Variants in HS6ST3 observed in about 807,000 individuals in gnomAD.
HS6ST3 encodes the protein heparan sulfate 6-O-sulfotransferase 3, also known as heparan-sulfate 6-O-sulfotransferase 3.
Under a neutral mutation model 36.7 loss-of-function variants are expected in HS6ST3, and 12 were observed. That is an observed-to-expected ratio of 0.33 (90% CI 0.21 to 0.53). HS6ST3 has a LOEUF of 0.53. HS6ST3 is among the 20% of genes least tolerant of loss of function. The probability of loss-of-function intolerance (pLI) is 0.95; values close to 1 mark genes in which losing one functional copy is unlikely to be tolerated. For synonymous variants in HS6ST3, 240 were observed against 257.5 expected (o/e 0.93, Z 0.65); for missense variants, 584 against 640.9 (o/e 0.91, Z 0.96).
At chr13:96,793,460 A>G (rs1877838364) in intron 1 of HS6ST3, among the ~76,000 whole-genome samples, 1 of 152,072 alleles carries the variant, frequency 6.6e-6, no homozygotes, top group Non-Finnish European at 1.5e-5. Flanking sequence ...TATTAAATTG[A>G]TAAATGTGAT....
rs1878850629 is a variant in HS6ST3, at chr13:96,833,249, C to A, written c.*51C>A. ...GGGGGAGGGTGAGCAGGCACATTGA[C>A]TTTCTGTTGAGGTACCTTGGAGAAG... On this transcript the variant is annotated 3_prime_UTR_variant, in exon 2 of 2. Transcript: ENST00000376705. The A allele has an allele frequency of 1.4e-6, 2 of 1,403,078 alleles. No homozygotes were observed. Among genetic ancestry groups the A allele is most frequent in the Admixed American group, 5.5e-5 (2 of 36,244 alleles). 86.9% of individuals were successfully genotyped at this position (1,403,078 alleles called of 1,614,324 possible). A position where few individuals can be genotyped will look rare whatever the true frequency, so the allele number is the denominator to read the frequency against.
chr13:96,634,131 C>T (rs1417668140), intron 1 of HS6ST3, among the ~76,000 whole-genome samples: 1 of 152,206 alleles, frequency 6.6e-6, no homozygotes, highest in Non-Finnish European at 1.5e-5. Flanking sequence ...TGAGCTGGGA[C>T]TTCCACCTGC....
chr13:96,700,063 A>G (rs924959794), intron 1 of HS6ST3, among the ~76,000 whole-genome samples: 2 of 152,132 alleles, frequency 1.3e-5, no homozygotes, highest in African/African-American at 4.8e-5. Context: ...GGACCCCTAA[A>G]CTATTTTTCA....
chr13:96,118,678 ATATATATATATTTTTT>A (rs2053908820), intron 1 of HS6ST3, among the ~76,000 whole-genome samples: 1 of 21,924 alleles, frequency 4.6e-5, no homozygotes, highest in Non-Finnish European at 7.3e-5. Context: ...ATATATATAT[ATATATATATATTTTTT>A]TTTTTTTTTT....
intron 1 of HS6ST3, among the ~76,000 whole-genome samples, chr13:96,545,186 G>T (rs1389278526): frequency 6.6e-6 from 1 of 152,022 alleles, no homozygotes; most frequent in Non-Finnish European, 1.5e-5. Context: ...TTTATCTTTT[G>T]AGTCAGTGTT....
At chr13:96,157,008 G>A (rs747727688) in intron 1 of HS6ST3, among the ~76,000 whole-genome samples, 3 of 152,176 alleles carry the variant, frequency 2.0e-5, no homozygotes, top group Non-Finnish European at 2.9e-5. Flanking sequence ...GCAGGGGCTA[G>A]CATTTGTTGT....
At chr13:96,617,198 T>A (rs1004148906) in intron 1 of HS6ST3, among the ~76,000 whole-genome samples, 2 of 152,228 alleles carry the variant, frequency 1.3e-5, no homozygotes, top group Non-Finnish European at 2.9e-5. Flanking sequence ...ATGTAAGTAT[T>A]GTAAAATACA....
chr13:96,250,903 C>T (rs780004595), intron 1 of HS6ST3, among the ~76,000 whole-genome samples: 9 of 152,168 alleles, frequency 5.9e-5, no homozygotes, highest in Non-Finnish European at 1.2e-4. Context: ...TATTTGTAGA[C>T]TTGAGCCATC....
chr13:96,774,871 A>C (rs540759602), intron 1 of HS6ST3, among the ~76,000 whole-genome samples: 1 of 152,282 alleles, frequency 6.6e-6, no homozygotes, highest in Admixed American at 6.5e-5. Context: ...ACCCCAAGAC[A>C]CATAATTGTC....
chr13:96,603,585 G>A (rs2056428979), intron 1 of HS6ST3, among the ~76,000 whole-genome samples: 2 of 152,148 alleles, frequency 1.3e-5, no homozygotes, highest in South Asian at 2.1e-4. Context: ...CCTAAAAGTG[G>A]AATTGCTGGG....
Position 96,675,446 on chromosome 13 carries a change from A to T in HS6ST3, c.708-157044A>T, listed in dbSNP as rs143503084. 6.0e-3 allele frequency among the ~76,000 whole-genome samples: 916 copies of T among 152,112 alleles called. 13 individuals are homozygous for T. The highest frequency in any genetic ancestry group is 0.042 in the East Asian group (215 of 5,166). ...GTCGCTCAATTTTCAATATAAAAAG[A>T]TATATTTATTTTTGTTTCATTCAGA... On this transcript the variant is annotated intron_variant, in intron 1 of 1. Coordinates refer to ENST00000376705, the MANE Select transcript of HS6ST3 (RefSeq NM_153456.4).
At chr13:96,828,049 C>T (rs1878685833) in intron 1 of HS6ST3, among the ~76,000 whole-genome samples, 1 of 152,168 alleles carries the variant, frequency 6.6e-6, no homozygotes, top group Admixed American at 6.5e-5. Flanking sequence ...TTTCTGCTTT[C>T]CCTGCTGACC....
At chr13:96,605,671 CAA>C (rs772311805) in intron 1 of HS6ST3, among the ~76,000 whole-genome samples, 73 of 151,662 alleles carry the variant, frequency 4.8e-4, no homozygotes, top group Admixed American at 1.1e-3. Context: ...AAAGACCAAG[CAA>C]AAAAGCAATT....
chr13:96,619,004 G>T (rs533444562), intron 1 of HS6ST3, among the ~76,000 whole-genome samples: 12 of 150,600 alleles, frequency 8.0e-5, no homozygotes, highest in Non-Finnish European at 1.0e-4. Flanking sequence ...GGAGGAGTTG[G>T]GTTTTTTTTT....
intron 1 of HS6ST3, among the ~76,000 whole-genome samples, chr13:96,373,154 A>C (rs2055298193): frequency 6.6e-6 from 1 of 152,108 alleles, no homozygotes; most frequent in South Asian, 2.1e-4. Flanking sequence ...TTATAAGGAC[A>C]CTTGTCATGG....
chr13:96,460,060 G>A (rs1338066236), intron 1 of HS6ST3, among the ~76,000 whole-genome samples: 1 of 152,128 alleles, frequency 6.6e-6, no homozygotes, highest in African/African-American at 2.4e-5. Flanking sequence ...TTAAAGGCAG[G>A]CATTTTATTA....
At position 96,458,638 on chromosome 13, in the gene HS6ST3, C is replaced by CA. The variant is rs762733654; in HGVS notation, c.707+367084dup. On this transcript the variant is annotated intron_variant, in intron 1 of 1. Coordinates refer to ENST00000376705, the MANE Select transcript of HS6ST3 (RefSeq NM_153456.4). ...TGTTACATTTGTCAAGTTCTCAAGA[C>CA]AAAAAAAAAAAAAAAGAATGGTCTT... 6.9e-3 allele frequency among the ~76,000 whole-genome samples: 409 copies of CA among 59,088 alleles called. 1 individual carries two copies. Among genetic ancestry groups the CA allele is most frequent in the African/African-American group, 0.011 (175 of 15,290 alleles). 38.8% of individuals were successfully genotyped at this position (59,088 alleles called of 152,430 possible).
At chr13:96,384,090 G>C (rs958667485) in intron 1 of HS6ST3, among the ~76,000 whole-genome samples, 12 of 152,114 alleles carry the variant, frequency 7.9e-5, no homozygotes, top group African/African-American at 2.9e-4. Flanking sequence ...AGCAAACCAG[G>C]AAAAGTGAAG....
intron 1 of HS6ST3, among the ~76,000 whole-genome samples, chr13:96,105,762 G>T (rs2053838738): frequency 6.6e-6 from 1 of 152,158 alleles, no homozygotes; most frequent in African/African-American, 2.4e-5. Flanking sequence ...TAACTAGATT[G>T]ATTGGTTCAT....
Sources: gnomAD v4.1 joint callset for allele counts (sites outside exome capture counted in the v4.1 genomes callset) on GRCh38, gnomAD v4.1.1 for gene constraint, MANE v1.5 for transcripts, NCBI Gene and HGNC (gene_info 2026-07-23, HGNC 2026-07-21) for gene names.